The following LRP1B variants were observed in gnomAD, a reference collection of about 807,000 sequenced individuals.
LRP1B encodes the protein low-density lipoprotein receptor-related protein 1B.
LRP1B carries 217 observed loss-of-function variants against 556.6 expected under a neutral mutation model. The observed-to-expected ratio is 0.39, with a 90% confidence interval of 0.35 to 0.44. LRP1B has a LOEUF of 0.44. Among genes scored for constraint, LRP1B ranks in the 20% least tolerant of loss-of-function variants. LRP1B has a pLI of 1.00. For synonymous variants in LRP1B, 2,047 were observed against 1,865.8 expected (o/e 1.10, Z -2.50); for missense variants, 5,053 against 5,620.8 (o/e 0.90, Z 3.23).
intron 2 of LRP1B, among the ~76,000 whole-genome samples, chr2:141,780,328 A>C (rs1695213540): frequency 6.6e-6 from 1 of 152,010 alleles, no homozygotes; most frequent in Non-Finnish European, 1.5e-5. Flanking sequence ...TTAAAATGAA[A>C]TTTTGTGTAG....
intron 18 of LRP1B, among the ~76,000 whole-genome samples, chr2:140,972,178 A>G (rs967565875): frequency 2.6e-5 from 4 of 152,228 alleles, no homozygotes; most frequent in African/African-American, 7.2e-5. Context: ...TGCCACATGC[A>G]TGTAAGAATA....
At chr2:141,458,108 G>A (rs1681702559) in intron 3 of LRP1B, among the ~76,000 whole-genome samples, 1 of 152,094 alleles carries the variant, frequency 6.6e-6, no homozygotes, top group Non-Finnish European at 1.5e-5. Context: ...AGAAATGAAA[G>A]CCATGTCAAT....
At chr2:142,012,529 T>C (rs76061757) in intron 1 of LRP1B, among the ~76,000 whole-genome samples, 3,845 of 152,186 alleles carry the variant, frequency 0.025, 171 homozygotes, top group East Asian at 0.17. Flanking sequence ...GGAGACTCCA[T>C]AAGTGCTGCC....
chr2:141,577,528 G>A (rs1686795595), intron 2 of LRP1B, among the ~76,000 whole-genome samples: 1 of 152,174 alleles, frequency 6.6e-6, no homozygotes, highest in Non-Finnish European at 1.5e-5. Flanking sequence ...GGGGAGTAAT[G>A]ATCACCGTAC....
intron 1 of LRP1B, among the ~76,000 whole-genome samples, chr2:141,929,426 T>C (rs572318355): frequency 1.3e-5 from 2 of 152,098 alleles, no homozygotes; most frequent in South Asian, 2.1e-4. Flanking sequence ...AGTGGAGAAG[T>C]CAATCACATA....
intron 35 of LRP1B, among the ~76,000 whole-genome samples, chr2:140,738,802 A>G (rs1688036902): frequency 6.6e-6 from 1 of 152,208 alleles, no homozygotes; most frequent in Non-Finnish European, 1.5e-5. Context: ...ATGAATATTT[A>G]GAAATGTGGA....
intron 1 of LRP1B, among the ~76,000 whole-genome samples, chr2:141,924,059 C>T (rs547544069): frequency 2.0e-4 from 30 of 152,124 alleles, no homozygotes; most frequent in African/African-American, 6.7e-4. Flanking sequence ...TGGAGGCCTG[C>T]AGCCCTAAGT....
chr2:140,367,848 A>G (rs1262933294), intron 71 of LRP1B, among the ~76,000 whole-genome samples: 2 of 151,786 alleles, frequency 1.3e-5, no homozygotes, highest in African/African-American at 4.8e-5. Context: ...TTCTCTGATT[A>G]TTTTAGAAAA....
intron 87 of LRP1B, among the ~76,000 whole-genome samples, chr2:140,241,584 A>G (rs1680950106): frequency 1.3e-5 from 2 of 150,808 alleles, no homozygotes; most frequent in Non-Finnish European, 3.0e-5. Flanking sequence ...GGCAGTTGCA[A>G]TCCCATATAT....
chr2:140,251,602 A>G (rs1380518441), intron 86 of LRP1B, among the ~76,000 whole-genome samples: 1 of 151,936 alleles, frequency 6.6e-6, no homozygotes, highest in African/African-American at 2.4e-5. Flanking sequence ...ATCCTCTTAT[A>G]CGTATGTGCA....
chr2:140,998,120 C>G (rs893109671), intron 15 of LRP1B, among the ~76,000 whole-genome samples: 5 of 151,994 alleles, frequency 3.3e-5, no homozygotes, highest in African/African-American at 1.2e-4. Flanking sequence ...TGTTTCTTGA[C>G]AGAGGAATAT....
intron 11 of LRP1B, among the ~76,000 whole-genome samples, chr2:141,043,965 C>A (rs1967615): frequency 0.89 from 135,611 of 151,868 alleles, 61,105 homozygotes; most frequent in East Asian, 0.99. Context: ...TCACCAAGTC[C>A]ATCCTAAGCC....
intron 35 of LRP1B, among the ~76,000 whole-genome samples, chr2:140,730,197 TG>T (rs1161295664): frequency 1.3e-5 from 2 of 152,220 alleles, no homozygotes; most frequent in Non-Finnish European, 2.9e-5. Flanking sequence ...GCCTCCTAAA[TG>T]GTCGCCTTCC....
At chr2:140,869,580 G>A (rs1301691779) in intron 25 of LRP1B, among the ~76,000 whole-genome samples, 2 of 152,196 alleles carry the variant, frequency 1.3e-5, no homozygotes, top group East Asian at 3.9e-4. Context: ...TTATATAAAA[G>A]ACCAGAAAAG....
intron 3 of LRP1B, among the ~76,000 whole-genome samples, chr2:141,341,969 G>T (rs1478615417): frequency 6.6e-6 from 1 of 152,038 alleles, no homozygotes; most frequent in African/African-American, 2.4e-5. Flanking sequence ...AGGCGGCCGG[G>T]CGCAGTAGCT....
intron 2 of LRP1B, among the ~76,000 whole-genome samples, chr2:141,730,978 A>T (rs1263564779): frequency 6.6e-6 from 1 of 152,166 alleles, no homozygotes; most frequent in African/African-American, 2.4e-5. Flanking sequence ...ATTACGAAAC[A>T]ATAACTTCAA....
At chr2:141,153,228 ATATATATAATTTG>A (rs199518648) in intron 7 of LRP1B, among the ~76,000 whole-genome samples, 3,451 of 134,690 alleles carry the variant, frequency 0.026, 66 homozygotes, top group South Asian at 0.095. Context: ...TATATATATT[ATATATATAATTTG>A]TATATATAAT....
chr2:140,781,548 C>T (rs981445467), intron 32 of LRP1B, among the ~76,000 whole-genome samples: 2 of 152,080 alleles, frequency 1.3e-5, no homozygotes, highest in Admixed American at 6.6e-5. Context: ...GGAAAAATGA[C>T]AGGAGACAAG....
At chr2:140,533,059 A>G (rs1690790602) in intron 47 of LRP1B, among the ~76,000 whole-genome samples, 1 of 151,090 alleles carries the variant, frequency 6.6e-6, no homozygotes, top group African/African-American at 2.4e-5. Flanking sequence ...AATGCATTGC[A>G]CTCAATAAAG....
Sources: allele counts gnomAD v4.1 joint callset (sites outside exome capture counted in the v4.1 genomes callset), GRCh38; gene constraint gnomAD v4.1.1; transcripts MANE v1.5; gene names NCBI Gene and HGNC (gene_info 2026-07-23, HGNC 2026-07-21).